The following C10orf90 variants were observed in gnomAD, a reference collection of about 807,000 sequenced individuals.
C10orf90 encodes chromosome 10 open reading frame 90.
A neutral mutation model predicts 62.5 loss-of-function variants in C10orf90; 56 were observed. That is an observed-to-expected ratio of 0.90 (90% CI 0.72 to 1.12). C10orf90 has a LOEUF of 1.12. C10orf90 is among the 50% of genes most tolerant of loss of function. The pLI is 0.00. For synonymous variants in C10orf90, 386 were observed against 340.4 expected, an observed-to-expected ratio of 1.13 and a Z score of -1.47; for missense variants, 970 against 880.4, an observed-to-expected ratio of 1.10 and a Z score of -1.29.
chr10:126,527,192 G>T (rs1464235108), intron 2 of C10orf90, among the ~76,000 whole-genome samples: 1 of 152,152 alleles, frequency 6.6e-6, no homozygotes, highest in Non-Finnish European at 1.5e-5. Flanking sequence ...ATGTATGAGG[G>T]TTTCATTTTT....
chr10:126,576,746 A>G (rs1340172484), intron 2 of C10orf90, among the ~76,000 whole-genome samples: 5,880 of 80,960 alleles, frequency 0.073, 113 homozygotes, highest in African/African-American at 0.14. Flanking sequence ...ATATGTATAT[A>G]TACATATAGA....
chr10:126,605,049 T>A (rs1194884019), intron 2 of C10orf90, among the ~76,000 whole-genome samples: 1 of 152,190 alleles, frequency 6.6e-6, no homozygotes, highest in Non-Finnish European at 1.5e-5. Context: ...TTCAAAGAAC[T>A]CGATTTTCAA....
chr10:126,432,362 TC>T (rs1454747679), intron 7 of C10orf90, among the ~76,000 whole-genome samples: 2 of 152,190 alleles, frequency 1.3e-5, no homozygotes, highest in African/African-American at 4.8e-5. Flanking sequence ...CCTTTCTCCT[TC>T]CTTCTACATT....
chr10:126,461,817 G>A (rs1488296589), intron 5 of C10orf90, among the ~76,000 whole-genome samples: 1 of 152,190 alleles, frequency 6.6e-6, no homozygotes, highest in African/African-American at 2.4e-5. Flanking sequence ...TTATGCCAGG[G>A]AGGTATTCCG....
At chr10:126,586,278 G>A (rs1282530256) in intron 2 of C10orf90, among the ~76,000 whole-genome samples, 13 of 152,246 alleles carry the variant, frequency 8.5e-5, no homozygotes, top group Admixed American at 7.8e-4. Context: ...TGAGGACGCT[G>A]TCTTGAAACC....
At chr10:126,466,223 CA>C in intron 4 of C10orf90, among the ~76,000 whole-genome samples, 1 of 152,064 alleles carries the variant, frequency 6.6e-6, no homozygotes, top group East Asian at 1.9e-4. Flanking sequence ...CAGAAAAAAA[CA>C]CATTGGGAAT....
intron 2 of C10orf90, among the ~76,000 whole-genome samples, chr10:126,544,044 G>T (rs1864436110): frequency 1.3e-5 from 2 of 152,234 alleles, no homozygotes; most frequent in South Asian, 4.1e-4. Flanking sequence ...CACAGGTCCG[G>T]TGTTGCCAGA....
At chr10:126,586,393 G>T (rs1844870311) in intron 2 of C10orf90, among the ~76,000 whole-genome samples, 1 of 152,318 alleles carries the variant, frequency 6.6e-6, no homozygotes, top group East Asian at 1.9e-4. Context: ...GACGGAGGTG[G>T]CCCCAAGCCA....
At chr10:126,490,103 A>ATAATTATTTAAT (rs1861680680) in intron 4 of C10orf90, among the ~76,000 whole-genome samples, 4 of 114,926 alleles carry the variant, frequency 3.5e-5, no homozygotes, top group East Asian at 2.2e-4. Flanking sequence ...AATATATAAT[A>ATAATTATTTAAT]TATATGTATA....
intron 2 of C10orf90, among the ~76,000 whole-genome samples, chr10:126,526,763 T>C (rs1186061476): frequency 6.6e-6 from 1 of 152,176 alleles, no homozygotes; most frequent in Admixed American, 6.5e-5. Context: ...ACTCAACAAC[T>C]GTCTCTCTCT....
At chr10:126,599,572 C>T (rs1474979538) in intron 2 of C10orf90, among the ~76,000 whole-genome samples, 1 of 151,446 alleles carries the variant, frequency 6.6e-6, no homozygotes, top group African/African-American at 2.4e-5. Flanking sequence ...TGCATGGGGC[C>T]CCATGCATCC....
At chr10:126,621,178 T>C (rs1845637170) in intron 2 of C10orf90, among the ~76,000 whole-genome samples, 1 of 152,240 alleles carries the variant, frequency 6.6e-6, no homozygotes, top group Non-Finnish European at 1.5e-5. Context: ...GTTTTCCCAG[T>C]GGACTCTACG....
chr10:126,607,802 G>A (rs1005030697), intron 2 of C10orf90, among the ~76,000 whole-genome samples: 1 of 152,154 alleles, frequency 6.6e-6, no homozygotes, highest in South Asian at 2.1e-4. Context: ...CAAAGTCAGA[G>A]TTTACTCATA....
At chr10:126,580,308 C>A (rs2134014667) in intron 2 of C10orf90, among the ~76,000 whole-genome samples, 1 of 152,260 alleles carries the variant, frequency 6.6e-6, no homozygotes, top group East Asian at 1.9e-4. Flanking sequence ...CTAACAAATC[C>A]ATTTTCCCAA....
At chr10:126,439,649 A>G (rs1858170452) in intron 7 of C10orf90, among the ~76,000 whole-genome samples, 1 of 152,166 alleles carries the variant, frequency 6.6e-6, no homozygotes, top group Non-Finnish European at 1.5e-5. Flanking sequence ...GAAATTCTGA[A>G]ACTGAAGGAT....
rs55780866 is a variant in C10orf90 at position 126,442,478 on chromosome 10, CATATATATAT to C, written c.2189-12638_2189-12629del. Among the ~76,000 whole-genome samples the C allele has an allele frequency of 4.8e-3, 161 of 33,800 alleles. 11 individuals carry two copies. In the East Asian group the frequency reaches 0.17, roughly 36 times the overall value. The allele number at this position is 33,800 out of a possible 152,430, so 22.2% of individuals were successfully genotyped here. ...ATAATAGTAGGGAACTTCAATATTT[CATATATATAT>C]ATATATATATATATATATATCTGTT... On this transcript the variant is annotated intron_variant, in intron 7 of 9. Transcript: ENST00000488181.
chr10:126,435,894 C>G lies in C10orf90; in HGVS notation c.2189-6044G>C, dbSNP rs555800540. The stretch of plus-strand genomic sequence containing the variant: ...AAGACAGGAAAGTCTCTTCTCAGCC[C>G]CTAATATCCCTGCCTTTTCCCACTT... On this transcript the variant is annotated intron_variant, in intron 7 of 9. Coordinates refer to ENST00000488181, the MANE Select transcript of C10orf90 (RefSeq NM_001350921.2). Among the ~76,000 whole-genome samples, 13 of 152,250 alleles carry G rather than the reference C, an allele frequency of 8.5e-5. No individual in the cohort carries two copies. In the East Asian group the frequency reaches 1.8e-3, roughly 20 times the overall value.
intron 3 of C10orf90, among the ~76,000 whole-genome samples, chr10:126,513,355 C>T (rs1044883045): frequency 4.6e-5 from 7 of 152,138 alleles, no homozygotes; most frequent in Non-Finnish European, 1.0e-4. Flanking sequence ...CTGCATCAGT[C>T]GATTAGACAG....
At chr10:126,648,596 A>C (rs536058302) in intron 1 of C10orf90, among the ~76,000 whole-genome samples, 1 of 152,396 alleles carries the variant, frequency 6.6e-6, no homozygotes, top group Non-Finnish European at 1.5e-5. Flanking sequence ...TAATGCATAA[A>C]AACTTTCAGG....
Sources: gnomAD v4.1 joint callset for allele counts (sites outside exome capture counted in the v4.1 genomes callset) on GRCh38, gnomAD v4.1.1 for gene constraint, MANE v1.5 for transcripts, NCBI Gene and HGNC (gene_info 2026-07-23, HGNC 2026-07-21) for gene names.